The following UGT8 variants were observed in gnomAD, a reference collection of about 807,000 sequenced individuals.
UGT8 encodes UDP glycosyltransferase 8, also known as 2-hydroxyacylsphingosine 1-beta-galactosyltransferase.
Under a neutral mutation model 40.5 loss-of-function variants are expected in UGT8, and 12 were observed. The ratio of observed to expected loss-of-function variants is 0.30; its 90% CI spans 0.19 to 0.48. UGT8 has a LOEUF of 0.48. Among genes scored for constraint, UGT8 ranks in the 20% least tolerant of loss-of-function variants. The pLI is 0.99. For missense variants in UGT8, 513 were observed against 648.7 expected (o/e 0.79, Z 2.27); for synonymous variants, 224 against 240.4 (o/e 0.93, Z 0.63).
intron 1 of UGT8, among the ~76,000 whole-genome samples, chr4:114,607,033 G>T (rs1730775303): frequency 1.3e-5 from 2 of 152,178 alleles, no homozygotes; most frequent in African/African-American, 2.4e-5. Flanking sequence ...TTATATTAGA[G>T]ATAATACTTG....
chr4:114,663,406 C>T (rs868112958), intron 2 of UGT8, among the ~76,000 whole-genome samples: 3 of 151,948 alleles, frequency 2.0e-5, no homozygotes, highest in African/African-American at 4.8e-5. Context: ...CTCAACGTGC[C>T]GTGGCTCTAT....
intron 2 of UGT8, among the ~76,000 whole-genome samples, chr4:114,640,640 CCA>C (rs1352002575): frequency 3.9e-5 from 6 of 152,090 alleles, no homozygotes; most frequent in Admixed American, 3.9e-4. Flanking sequence ...AATGGAGAGC[CCA>C]CAGTTCCATT....
At chr4:114,673,465 G>A (rs1255876762) in intron 5 of UGT8, among the ~76,000 whole-genome samples, 1 of 152,218 alleles carries the variant, frequency 6.6e-6, no homozygotes, top group African/African-American at 2.4e-5. Context: ...GAAAGTCCCT[G>A]TTCAGATAAG....
chr4:114,676,627 A>ATGTGTG lies in UGT8; in HGVS notation c.*347_*352dup, dbSNP rs771625987. 4.5e-6 allele frequency: 1 copy of ATGTGTG among 219,782 alleles called. No individual in the cohort carries two copies. Among genetic ancestry groups the ATGTGTG allele is most frequent in the South Asian group, 8.0e-5 (1 of 12,562 alleles). 13.6% of individuals were successfully genotyped at this position (219,782 alleles called of 1,614,324 possible). A position where few individuals can be genotyped will look rare whatever the true frequency, so the allele number is the denominator to read the frequency against. On this transcript the variant is annotated 3_prime_UTR_variant, in exon 6 of 6. Coordinates refer to ENST00000310836, the MANE Select transcript of UGT8 (RefSeq NM_001128174.3). The stretch of plus-strand genomic sequence containing the variant: ...AGGAATGGTTTCATTTTTCTTAATA[A>ATGTGTG]TGTGTGTGTGTGTATGTGTGTGTGT...
chr4:114,622,820 T>G (rs1168836511), intron 1 of UGT8, 59 bp from the exon 2 acceptor site: 1 of 1,438,434 alleles, frequency 7.0e-7, no homozygotes, highest in African/African-American at 1.4e-5. Flanking sequence ...TTGTGATTGC[T>G]TGTTTTGAAT....
intron 2 of UGT8, among the ~76,000 whole-genome samples, chr4:114,629,022 A>C (rs1387806302): frequency 1.3e-5 from 2 of 152,034 alleles, no homozygotes; most frequent in Admixed American, 1.3e-4. Flanking sequence ...TGGTGATTGA[A>C]AGCTGGTTTC....
chr4:114,604,756 G>A (rs1169046374), intron 1 of UGT8, among the ~76,000 whole-genome samples: 3 of 152,036 alleles, frequency 2.0e-5, no homozygotes, highest in African/African-American at 7.2e-5. Flanking sequence ...CCCAATACAT[G>A]TTTGTTGAAT....
chr4:114,650,640 T>C (rs558609513), intron 2 of UGT8, among the ~76,000 whole-genome samples: 1 of 152,302 alleles, frequency 6.6e-6, no homozygotes, highest in South Asian at 2.1e-4. Context: ...AGAATTGTTT[T>C]CCTGGGGATG....
chr4:114,605,483 G>A, intron 1 of UGT8, among the ~76,000 whole-genome samples: 1 of 152,086 alleles, frequency 6.6e-6, no homozygotes, highest in East Asian at 1.9e-4. Flanking sequence ...GTAAATATGT[G>A]CTTGATTTGG....
intron 2 of UGT8, among the ~76,000 whole-genome samples, chr4:114,650,628 A>G (rs1172813433): frequency 1.3e-5 from 2 of 152,156 alleles, no homozygotes; most frequent in Non-Finnish European, 2.9e-5. Flanking sequence ...CATTCCTTAG[A>G]AAGAATTGTT....
chr4:114,631,797 T>C (rs1732595286), intron 2 of UGT8, among the ~76,000 whole-genome samples: 1 of 152,240 alleles, frequency 6.6e-6, no homozygotes. Context: ...TTTTTTCTGG[T>C]AATTAAAGAT....
intron 1 of UGT8, among the ~76,000 whole-genome samples, chr4:114,603,263 G>C (rs1730543074): frequency 6.6e-6 from 1 of 152,172 alleles, no homozygotes; most frequent in African/African-American, 2.4e-5. Context: ...TGTGTGTCCA[G>C]TGAATCATTG....
intron 1 of UGT8, among the ~76,000 whole-genome samples, chr4:114,604,685 A>G (rs753146049): frequency 6.6e-6 from 1 of 152,142 alleles, no homozygotes; most frequent in African/African-American, 2.4e-5. Context: ...TCAACCAACA[A>G]TTGCACATAG....
Position 114,606,338 on chromosome 4 carries a change from A to G in UGT8, c.-3+7364A>G, listed in dbSNP as rs908834166. Among the ~76,000 whole-genome samples the G allele has an allele frequency of 5.3e-5, 8 of 152,142 alleles. No individual in the cohort carries two copies. In the South Asian group the frequency reaches 1.7e-3, roughly 32 times the overall value. ...CTTCCTGCTTTGAGAGAGCTGTTCT[A>G]AGACTAGGCAGTTAGTCTTAGGCCT... On this transcript the variant is annotated intron_variant, in intron 1 of 5. Coordinates refer to ENST00000310836, the MANE Select transcript of UGT8 (RefSeq NM_001128174.3).
intron 2 of UGT8, among the ~76,000 whole-genome samples, chr4:114,654,500 T>C (rs1378246766): frequency 6.6e-6 from 1 of 152,056 alleles, no homozygotes; most frequent in Non-Finnish European, 1.5e-5. Context: ...TTTTCTGTGC[T>C]CTATACTGTC....
intron 1 of UGT8, among the ~76,000 whole-genome samples, chr4:114,601,100 T>C (rs1222478461): frequency 6.6e-6 from 1 of 152,232 alleles, no homozygotes; most frequent in East Asian, 1.9e-4. Context: ...AAACTCTTTT[T>C]AAATCTAAGA....
At chr4:114,665,780 T>C (rs1237418726) in intron 4 of UGT8, 24 bp downstream of exon 4, 1 of 1,577,708 alleles carries the variant, frequency 6.3e-7, no homozygotes, top group East Asian at 2.3e-5. Context: ...GTGTGGTTAC[T>C]TACTTGGCTG....
intron 1 of UGT8, among the ~76,000 whole-genome samples, chr4:114,602,149 G>A (rs920877677): frequency 1.3e-5 from 2 of 152,050 alleles, no homozygotes; most frequent in African/African-American, 4.8e-5. Context: ...AGACAATTCA[G>A]TCTTCTGGAA....
chr4:114,617,160 A>C (rs556644546), intron 1 of UGT8, among the ~76,000 whole-genome samples: 26 of 152,314 alleles, frequency 1.7e-4, no homozygotes, highest in Admixed American at 1.6e-3. Context: ...AGGCTGAGGC[A>C]GGAGAATTGC....
Sources: allele counts gnomAD v4.1 joint callset (sites outside exome capture counted in the v4.1 genomes callset), GRCh38; gene constraint gnomAD v4.1.1; transcripts MANE v1.5; gene names NCBI Gene and HGNC (gene_info 2026-07-23, HGNC 2026-07-21).